Variants in CAMTA1 observed in about 807,000 individuals in gnomAD.
CAMTA1 encodes calmodulin-binding transcription activator 1.
In CAMTA1, 27 loss-of-function variants were observed where a neutral mutation model predicts 170.9. That is an observed-to-expected ratio of 0.16 (90% CI 0.12 to 0.22). The LOEUF is 0.22. Among genes scored for constraint, CAMTA1 ranks in the 10% least tolerant of loss-of-function variants. The probability of loss-of-function intolerance (pLI) is 1.00; values close to 1 mark genes in which losing one functional copy is unlikely to be tolerated. For synonymous variants in CAMTA1, 833 were observed against 891.5 expected, an observed-to-expected ratio of 0.93 and a Z score of 1.17; for missense variants, 1,619 against 2,217.2, an observed-to-expected ratio of 0.73 and a Z score of 5.42.
At chr1:7,226,933 C>T (rs552453858) in intron 4 of CAMTA1, among the ~76,000 whole-genome samples, 18 of 152,056 alleles carry the variant, frequency 1.2e-4, no homozygotes, top group East Asian at 7.7e-4. Context: ...CCTGGGTTGA[C>T]GCCATTCTCC....
At chr1:7,485,943 T>C (rs886279736) in intron 6 of CAMTA1, among the ~76,000 whole-genome samples, 2 of 152,224 alleles carry the variant, frequency 1.3e-5, no homozygotes, top group Non-Finnish European at 2.9e-5. Context: ...CCGCCAGCTG[T>C]TGGTGTCTGA....
chr1:7,418,974 C>T lies in CAMTA1; in HGVS notation c.439-48856C>T, dbSNP rs556053714. 7.2e-5 allele frequency among the ~76,000 whole-genome samples: 11 copies of T among 152,262 alleles called. No individual in the cohort carries two copies. In the South Asian group the frequency reaches 1.5e-3, roughly 20 times the overall value. On this transcript the variant is annotated intron_variant, in intron 5 of 22. Coordinates refer to ENST00000303635, the MANE Select transcript of CAMTA1 (RefSeq NM_015215.4). ...ACACAGGTCAGATCAGGTCACTGCCCGCCAGAAACCCTGCAGCAGCTCCTG... is the reference window on the plus strand; with the variant it reads ...ACACAGGTCAGATCAGGTCACTGCCTGCCAGAAACCCTGCAGCAGCTCCTG...
chr1:7,369,839 C>A (rs143997601), intron 5 of CAMTA1, among the ~76,000 whole-genome samples: 65 of 152,288 alleles, frequency 4.3e-4, no homozygotes, highest in Middle Eastern at 3.4e-3. Context: ...CTCACCTGAT[C>A]AGTCCCCTCC....
intron 3 of CAMTA1, among the ~76,000 whole-genome samples, chr1:7,034,260 C>A (rs1460917151): frequency 6.6e-6 from 1 of 152,070 alleles, no homozygotes; most frequent in African/African-American, 2.4e-5. Context: ...CAGGTTTGAG[C>A]AATTCTCTGC....
At chr1:6,977,824 A>G (rs1228575074) in intron 3 of CAMTA1, among the ~76,000 whole-genome samples, 2 of 152,222 alleles carry the variant, frequency 1.3e-5, no homozygotes, top group Non-Finnish European at 2.9e-5. Context: ...TTTGAGTGTA[A>G]ACAAGCCAGT....
At chr1:7,495,398 C>T (rs937930626) in intron 6 of CAMTA1, among the ~76,000 whole-genome samples, 8 of 152,074 alleles carry the variant, frequency 5.3e-5, no homozygotes, top group African/African-American at 1.4e-4. Flanking sequence ...GGAGAGGAGG[C>T]GATGAATTCC....
chr1:7,102,099 T>A (rs1211637275), intron 4 of CAMTA1, among the ~76,000 whole-genome samples: 1 of 151,820 alleles, frequency 6.6e-6, no homozygotes, highest in Non-Finnish European at 1.5e-5. Context: ...TGTTCTCTTG[T>A]AAGAAGTCTC....
At chr1:7,036,506 A>G (rs993117501) in intron 3 of CAMTA1, among the ~76,000 whole-genome samples, 1 of 152,208 alleles carries the variant, frequency 6.6e-6, no homozygotes, top group Admixed American at 6.5e-5. Flanking sequence ...AGGACTTACG[A>G]TCCTAATTCC....
chr1:7,429,858 C>G (rs914308542), intron 5 of CAMTA1, among the ~76,000 whole-genome samples: 6 of 152,094 alleles, frequency 3.9e-5, no homozygotes, highest in Admixed American at 2.0e-4. Context: ...GCAGGCACAT[C>G]TTACATGGCT....
At chr1:7,716,230 A>C (rs1051713106) in intron 11 of CAMTA1, among the ~76,000 whole-genome samples, 3 of 151,998 alleles carry the variant, frequency 2.0e-5, no homozygotes, top group Non-Finnish European at 4.4e-5. Context: ...ATAGGGTCTT[A>C]CTATGTGGCC....
At chr1:6,821,017 A>C (rs754803405) in intron 2 of CAMTA1, among the ~76,000 whole-genome samples, 15 of 152,186 alleles carry the variant, frequency 9.9e-5, no homozygotes, top group Non-Finnish European at 8.8e-5. Context: ...GATTTGACCT[A>C]AGCCTGGACC....
At chr1:7,419,383 C>T (rs766225233) in intron 5 of CAMTA1, among the ~76,000 whole-genome samples, 14 of 152,136 alleles carry the variant, frequency 9.2e-5, no homozygotes, top group Admixed American at 8.5e-4. Context: ...TCTCGAACTT[C>T]TGAACTCAAA....
intron 4 of CAMTA1, among the ~76,000 whole-genome samples, chr1:7,149,189 C>T (rs1032406923): frequency 6.6e-6 from 1 of 152,238 alleles, no homozygotes; most frequent in African/African-American, 2.4e-5. Context: ...GCTTTCCCCG[C>T]AGGGAATTGG....
At chr1:7,136,087 C>G (rs1241882348) in intron 4 of CAMTA1, among the ~76,000 whole-genome samples, 3 of 151,508 alleles carry the variant, frequency 2.0e-5, no homozygotes, top group Non-Finnish European at 4.4e-5. Context: ...TGATCCCTAC[C>G]CCAGGCCCTG....
chr1:7,263,670 G>A (rs534868810), intron 5 of CAMTA1, among the ~76,000 whole-genome samples: 1 of 152,058 alleles, frequency 6.6e-6, no homozygotes, highest in Non-Finnish European at 1.5e-5. Flanking sequence ...GAGATCTATG[G>A]GCTTTCAGTA....
At chr1:7,035,388 G>A (rs931634949) in intron 3 of CAMTA1, among the ~76,000 whole-genome samples, 5 of 148,174 alleles carry the variant, frequency 3.4e-5, no homozygotes, top group Non-Finnish European at 5.9e-5. Flanking sequence ...CAACAAGAGC[G>A]AAACTCGGTC....
intron 3 of CAMTA1, among the ~76,000 whole-genome samples, chr1:6,999,105 T>C (rs891641729): frequency 6.6e-5 from 10 of 152,208 alleles, no homozygotes; most frequent in Non-Finnish European, 1.3e-4. Flanking sequence ...CAGTGGCTTC[T>C]TCCTATGACT....
intron 4 of CAMTA1, among the ~76,000 whole-genome samples, chr1:7,183,542 A>T (rs953641568): frequency 3.3e-5 from 5 of 152,202 alleles, no homozygotes; most frequent in African/African-American, 1.2e-4. Context: ...TGCAATTCCA[A>T]AATATTGGGA....
At chr1:7,574,934 G>A (rs1265237882) in intron 6 of CAMTA1, among the ~76,000 whole-genome samples, 3 of 152,198 alleles carry the variant, frequency 2.0e-5, no homozygotes, top group Admixed American at 1.3e-4. Flanking sequence ...AGGGAAGGAC[G>A]GACATGTCGA....
Sources: allele counts gnomAD v4.1 joint callset (sites outside exome capture counted in the v4.1 genomes callset), GRCh38; gene constraint gnomAD v4.1.1; transcripts MANE v1.5; gene names NCBI Gene and HGNC (gene_info 2026-07-23, HGNC 2026-07-21).